The following PKP4 variants were observed in gnomAD, a reference collection of about 807,000 sequenced individuals.
The protein encoded by PKP4 is plakophilin 4.
In PKP4, 90 loss-of-function variants were observed where a neutral mutation model predicts 145.1. That is an observed-to-expected ratio of 0.62 (90% CI 0.52 to 0.74). PKP4 has a LOEUF of 0.74. PKP4 is among the 30% of genes least tolerant of loss of function. PKP4 has a pLI of 0.00. For synonymous variants in PKP4, 563 were observed against 577.2 expected, an observed-to-expected ratio of 0.98 and a Z score of 0.35; for missense variants, 1,340 against 1,482.7, an observed-to-expected ratio of 0.90 and a Z score of 1.58.
intron 2 of PKP4, chr2:158,533,581 T>C: frequency 1.8e-6 from 1 of 540,792 alleles, no homozygotes; most frequent in Non-Finnish European, 3.6e-6. Flanking sequence ...TCTCCCACAT[T>C]GCAGAGTGTG....
chr2:158,499,450 G>T (rs561895503), intron 1 of PKP4, among the ~76,000 whole-genome samples: 1 of 152,306 alleles, frequency 6.6e-6, no homozygotes, highest in East Asian at 1.9e-4. Flanking sequence ...TGACCCAGTT[G>T]TGTTTCCAGC....
At chr2:158,509,494 G>T (rs2041303720) in intron 1 of PKP4, among the ~76,000 whole-genome samples, 1 of 152,104 alleles carries the variant, frequency 6.6e-6, no homozygotes. Flanking sequence ...TGATGTTTCA[G>T]TATATTGAGA....
At chr2:158,616,512 G>A (rs991534192) in intron 4 of PKP4, among the ~76,000 whole-genome samples, 3 of 152,014 alleles carry the variant, frequency 2.0e-5, no homozygotes, top group African/African-American at 7.3e-5. Flanking sequence ...CTCTGGGTAT[G>A]ACAGCCTAAC....
At chr2:158,644,554 A>G (rs1462048426) in intron 11 of PKP4, among the ~76,000 whole-genome samples, 1 of 137,318 alleles carries the variant, frequency 7.3e-6, no homozygotes, top group Non-Finnish European at 1.6e-5. Flanking sequence ...CACATACAGC[A>G]GTTAAAATAA....
In PKP4 at chr2:158,674,481, C is replaced by T. The variant is rs554339174; in HGVS notation, c.3127+481C>T. Among the ~76,000 whole-genome samples, 181 of 152,286 alleles carry T rather than the reference C, an allele frequency of 1.2e-3. 1 individual carries two copies. The highest frequency in any genetic ancestry group is 0.01 in the Middle Eastern group (3 of 294). ...AGAGGACCTTTAAGGTCTTCAGATCCGCAACCTGGGAGAGCTGCCTGCTTT... is the reference window on the plus strand; with the variant it reads ...AGAGGACCTTTAAGGTCTTCAGATCTGCAACCTGGGAGAGCTGCCTGCTTT... On this transcript the variant is annotated intron_variant, in intron 19 of 21. Coordinates refer to ENST00000389759, the MANE Select transcript of PKP4 (RefSeq NM_003628.6).
At chr2:158,551,975 C>T (rs528047624) in intron 2 of PKP4, among the ~76,000 whole-genome samples, 6 of 152,266 alleles carry the variant, frequency 3.9e-5, no homozygotes, top group African/African-American at 7.2e-5. Flanking sequence ...ATTATCCCAA[C>T]GCTTGGAGCC....
At chr2:158,471,272 A>G (rs1349195069) in intron 1 of PKP4, among the ~76,000 whole-genome samples, 1 of 152,256 alleles carries the variant, frequency 6.6e-6, no homozygotes. Context: ...TGTAAATCAC[A>G]TAGCATGAAT....
chr2:158,465,768 G>C (rs1690510485), intron 1 of PKP4, among the ~76,000 whole-genome samples: 1 of 152,070 alleles, frequency 6.6e-6, no homozygotes, highest in Non-Finnish European at 1.5e-5. Flanking sequence ...CTGTCATTTT[G>C]TCGACAACTA....
At chr2:158,483,081 GCTGT>G (rs1693610337) in intron 1 of PKP4, among the ~76,000 whole-genome samples, 1 of 152,116 alleles carries the variant, frequency 6.6e-6, no homozygotes, top group South Asian at 2.1e-4. Flanking sequence ...TGAGCAGTTA[GCTGT>G]CTGTTCATTA....
chr2:158,489,955 A>C (rs1179050047), intron 1 of PKP4, among the ~76,000 whole-genome samples: 2 of 152,132 alleles, frequency 1.3e-5, no homozygotes, highest in Non-Finnish European at 2.9e-5. Context: ...CGTGAGCAAA[A>C]CAACAAAACA....
intron 2 of PKP4, among the ~76,000 whole-genome samples, chr2:158,566,459 A>G (rs1204901492): frequency 6.8e-6 from 1 of 147,886 alleles, no homozygotes; most frequent in South Asian, 2.1e-4. Context: ...GATATGCATC[A>G]TTGGTCTTAA....
chr2:158,474,097 T>G (rs1692047652), intron 1 of PKP4, among the ~76,000 whole-genome samples: 2 of 152,130 alleles, frequency 1.3e-5, no homozygotes, highest in Admixed American at 6.5e-5. Flanking sequence ...ACCAGAACAA[T>G]TGTTTTACTT....
chr2:158,645,574 C>T lies in PKP4; in HGVS notation c.1909+2875C>T, dbSNP rs3771660. ...CAGGAGGGCTGCAGTCCATCGTGTGCGCTACTCCCTGAGAGAGCAGTGGCG... is the reference window on the plus strand; with the variant it reads ...CAGGAGGGCTGCAGTCCATCGTGTGTGCTACTCCCTGAGAGAGCAGTGGCG... On this transcript the variant is annotated intron_variant, in intron 11 of 21. Transcript: ENST00000389759. Among the ~76,000 whole-genome samples the T allele has an allele frequency of 7.8e-4, 119 of 152,284 alleles. 1 individual carries two copies. The East Asian group carries it at 0.02, about 26-fold the overall frequency.
intron 10 of PKP4, among the ~76,000 whole-genome samples, chr2:158,641,331 C>CA (rs33990329): frequency 0.39 from 54,191 of 138,602 alleles, 10,957 homozygotes; most frequent in East Asian, 0.58. Flanking sequence ...GACTCTGTCT[C>CA]AAAAAAAAAA....
At chr2:158,672,423 C>T (rs1248107594) in intron 17 of PKP4, among the ~76,000 whole-genome samples, 2 of 152,152 alleles carry the variant, frequency 1.3e-5, no homozygotes, top group Admixed American at 6.5e-5. Context: ...CCTGCCTGGT[C>T]GAGTGTTTCA....
intron 8 of PKP4, 52 bp downstream of exon 8, chr2:158,631,993 G>A (rs1437119676): frequency 2.0e-6 from 3 of 1,535,720 alleles, no homozygotes; most frequent in Non-Finnish European, 2.7e-6. Context: ...CCCCACAGTA[G>A]AAGTGTTTTA....
intron 4 of PKP4, among the ~76,000 whole-genome samples, chr2:158,615,700 A>T (rs2051537992): frequency 6.6e-6 from 1 of 152,196 alleles, no homozygotes; most frequent in Admixed American, 6.5e-5. Context: ...CAGTTTATGC[A>T]TTCACAAAAT....
At chr2:158,529,946 A>G (rs1171723839) in intron 1 of PKP4, among the ~76,000 whole-genome samples, 1 of 152,188 alleles carries the variant, frequency 6.6e-6, no homozygotes, top group African/African-American at 2.4e-5. Flanking sequence ...GGTTGGGTCA[A>G]GGTCAGACCT....
At chr2:158,639,842 C>T (rs941037881) in intron 9 of PKP4, among the ~76,000 whole-genome samples, 3 of 152,196 alleles carry the variant, frequency 2.0e-5, no homozygotes, top group Non-Finnish European at 4.4e-5. Flanking sequence ...TTTACAGCCA[C>T]GTGGCCAGGC....
Sources: allele counts gnomAD v4.1 joint callset (sites outside exome capture counted in the v4.1 genomes callset), GRCh38; gene constraint gnomAD v4.1.1; transcripts MANE v1.5; gene names NCBI Gene and HGNC (gene_info 2026-07-23, HGNC 2026-07-21).